Variants in SIAE observed in about 807,000 individuals in gnomAD.
SIAE encodes sialate O-acetylesterase.
SIAE carries 39 observed loss-of-function variants against 52.6 expected under a neutral mutation model. That is an observed-to-expected ratio of 0.74 (90% CI 0.57 to 0.97). SIAE has a LOEUF of 0.97. Ranked by LOEUF, SIAE falls within the 50% of genes least tolerant of loss-of-function variation. SIAE has a pLI of 0.00. For synonymous variants in SIAE, 233 were observed against 241.4 expected (o/e 0.97, Z 0.32); for missense variants, 592 against 662.1 (o/e 0.89, Z 1.16).
intron 3 of SIAE, chr11:124,658,970 T>C (rs762299558): frequency 1.3e-5 from 2 of 152,222 alleles, no homozygotes; most frequent in African/African-American, 2.4e-5. Flanking sequence ...TAAAATGTTA[T>C]CTTGCAAACT....
Position 124,635,113 on chromosome 11 carries a change from A to G in SIAE, c.*1838T>C, listed in dbSNP as rs1008365681. On this transcript the variant is annotated 3_prime_UTR_variant, in exon 10 of 10. Transcript: ENST00000263593. ...CTGGAGGTGAAAGGAATCTGGACTT[A>G]GAGTTCTTGGCTACCTCTGGCTGCC... 7 of 152,196 alleles carry G rather than the reference A, an allele frequency of 4.6e-5. No homozygotes were observed. The East Asian group carries it at 1.3e-3, about 29-fold the overall frequency. The allele number at this position is 152,196 out of a possible 1,614,324, so 9.4% of individuals were successfully genotyped here.
intron 3 of SIAE, among the ~76,000 whole-genome samples, chr11:124,658,598 CT>C (rs1323349651): frequency 6.6e-6 from 1 of 152,192 alleles, no homozygotes; most frequent in Non-Finnish European, 1.5e-5. Context: ...CATTTAGACT[CT>C]TCTCCATTTA....
In SIAE at chr11:124,633,268, G is replaced by GT. The variant is rs1293245353; in HGVS notation, c.*3682dup. On this transcript the variant is annotated 3_prime_UTR_variant, in exon 10 of 10. Transcript: ENST00000263593. ...TTAGTCCTGTCTTTTCATTAGCCATGTAATAATATAACTCCATGTTCCATG... is the reference window on the plus strand; with the variant it reads ...TTAGTCCTGTCTTTTCATTAGCCATGTTAATAATATAACTCCATGTTCCATG... The GT allele has an allele frequency of 1.3e-5, 2 of 152,206 alleles. No individual in the cohort carries two copies. Among genetic ancestry groups the GT allele is most frequent in the African/African-American group, 2.4e-5 (1 of 41,448 alleles). 9.4% of individuals were successfully genotyped at this position (152,206 alleles called of 1,614,324 possible). A position where few individuals can be genotyped will look rare whatever the true frequency, so the allele number is the denominator to read the frequency against.
chr11:124,647,513 A>C lies in SIAE; in HGVS notation c.833-15T>G. The C allele has an allele frequency of 1.9e-6, 3 of 1,614,002 alleles. No individual in the cohort carries two copies. The highest frequency in any genetic ancestry group is 2.5e-6 in the Non-Finnish European group (3 of 1,179,988). On this transcript the variant is annotated splice_polypyrimidine_tract_variant and intron_variant, in intron 6 of 9. Coordinates refer to ENST00000263593, the MANE Select transcript of SIAE (RefSeq NM_170601.5). ...ATTGGACTCCCCTAAAAACAGTCCA[A>C]ATTGTAAAGGGAGTTTGGAGTAGAC...
At position 124,636,566 on chromosome 11, in the gene SIAE, A is replaced by G. The variant is rs1218067202; in HGVS notation, c.*385T>C. 8 of 302,604 alleles carry G rather than the reference A, an allele frequency of 2.6e-5. No individual in the cohort carries two copies. Among genetic ancestry groups the G allele is most frequent in the Non-Finnish European group, 5.1e-5 (8 of 156,760 alleles). 18.7% of individuals were successfully genotyped at this position (302,604 alleles called of 1,614,324 possible). A position where few individuals can be genotyped will look rare whatever the true frequency, so the allele number is the denominator to read the frequency against. ...ATGGGAGAAATTTTATAAAGAACAC[A>G]TGAACACTAGCTGGCCTATGTGGCC... On this transcript the variant is annotated 3_prime_UTR_variant, in exon 10 of 10. Transcript: ENST00000263593.
At position 124,635,536 on chromosome 11, in the gene SIAE, CAT is replaced by C. The variant is rs1942711211; in HGVS notation, c.*1413_*1414del. 6.6e-6 allele frequency: 1 copy of C among 152,038 alleles called. No individual in the cohort carries two copies. The highest frequency in any genetic ancestry group is 1.9e-4 in the East Asian group (1 of 5,180). The allele number at this position is 152,038 out of a possible 1,614,324, so 9.4% of individuals were successfully genotyped here. A position where few individuals can be genotyped will look rare whatever the true frequency, so the allele number is the denominator to read the frequency against. On this transcript the variant is annotated 3_prime_UTR_variant, in exon 10 of 10. Transcript: ENST00000263593. ...TAAAAAGTTCCTAAATTGGGGGAAA[CAT>C]AGTGAATTCCACATAATGTTTTAAA...
At chr11:124,654,616 C>T (rs762480773) in intron 4 of SIAE, 39 bp downstream of exon 4, 44 of 1,613,690 alleles carry the variant, frequency 2.7e-5, no homozygotes, top group Non-Finnish European at 3.7e-5. Context: ...GGGCGCTAAC[C>T]CATTATATAA....
chr11:124,639,196 T>C (rs1942802939), intron 8 of SIAE, among the ~76,000 whole-genome samples: 2 of 152,232 alleles, frequency 1.3e-5, no homozygotes, highest in African/African-American at 4.8e-5. Context: ...CTGTTTCCTA[T>C]GTGGAATCCC....
At chr11:124,673,788 G>T, upstream of SIAE, 1 of 1,512,912 alleles carries the variant, frequency 6.6e-7, no homozygotes, top group South Asian at 1.2e-5. Context: ...GGGCGAGGCC[G>T]ACTCCACCCT....
chr11:124,639,209 C>G (rs963094070), intron 8 of SIAE, among the ~76,000 whole-genome samples: 2 of 152,200 alleles, frequency 1.3e-5, no homozygotes, highest in African/African-American at 2.4e-5. Context: ...GGAATCCCCT[C>G]ACATCCTACA....
intron 7 of SIAE, among the ~76,000 whole-genome samples, chr11:124,641,399 T>G (rs1166833624): frequency 6.6e-6 from 1 of 152,202 alleles, no homozygotes; most frequent in Non-Finnish European, 1.5e-5. Context: ...CCAGGTGGAC[T>G]GGAGGATTTG....
At chr11:124,675,328 G>C, upstream of SIAE, 2 of 1,614,186 alleles carry the variant, frequency 1.2e-6, no homozygotes, top group Non-Finnish European at 1.7e-6. Flanking sequence ...TCTTCTTGAA[G>C]GGCTGACACG....
chr11:124,640,463 C>T (rs1942826633), intron 7 of SIAE, among the ~76,000 whole-genome samples: 1 of 152,136 alleles, frequency 6.6e-6, no homozygotes, highest in Non-Finnish European at 1.5e-5. Context: ...CCTACCTGGC[C>T]AACCCAATGA....
rs1190163545 is a variant in SIAE at position 124,634,462 on chromosome 11, A to G, written c.*2489T>C. 1 of 152,182 alleles carries G rather than the reference A, an allele frequency of 6.6e-6. No individual in the cohort carries two copies. The highest frequency in any genetic ancestry group is 3.2e-3 in the Middle Eastern group (1 of 316). 9.4% of individuals were successfully genotyped at this position (152,182 alleles called of 1,614,324 possible). The stretch of plus-strand genomic sequence containing the variant: ...CCAGTGTCAATGAGGGTGAGGGCAA[A>G]AAAAGGACTACCTTGGTGAGAATGT... On this transcript the variant is annotated 3_prime_UTR_variant, in exon 10 of 10. Coordinates refer to ENST00000263593, the MANE Select transcript of SIAE (RefSeq NM_170601.5).
chr11:124,641,598 A>G (rs1197191567), intron 7 of SIAE, among the ~76,000 whole-genome samples: 1 of 152,220 alleles, frequency 6.6e-6, no homozygotes, highest in Non-Finnish European at 1.5e-5. Context: ...AGCCACTGAA[A>G]TTACTGACAT....
intron 4 of SIAE, 42 bp from the exon 5 acceptor site, chr11:124,649,838 T>C (rs750457543): frequency 8.7e-6 from 14 of 1,607,720 alleles, no homozygotes; most frequent in Middle Eastern, 1.6e-4. Context: ...CAGAGAAAGG[T>C]TGATGGATAC....
Position 124,656,701 on chromosome 11 carries a change from G to GT in SIAE, c.406-1909dup, listed in dbSNP as rs1038969326. Among the ~76,000 whole-genome samples the GT allele has an allele frequency of 1.2e-3, 185 of 151,234 alleles. 2 individuals are homozygous for GT. Among genetic ancestry groups the GT allele is most frequent in the African/African-American group, 4.2e-3 (173 of 41,248 alleles). ...AATATATCAGAAATATTTTGTTTTT[G>GT]TTTTTTTTTATTTGTGTATTTCTTC... On this transcript the variant is annotated intron_variant, in intron 3 of 9. Transcript: ENST00000263593.
At chr11:124,663,561 G>A (rs539770685) in intron 2 of SIAE, among the ~76,000 whole-genome samples, 12 of 152,330 alleles carry the variant, frequency 7.9e-5, no homozygotes, top group African/African-American at 2.6e-4. Flanking sequence ...GCGACAGAGC[G>A]AGACTTTGTC....
upstream of SIAE, chr11:124,674,871 TC>T (rs1943439116): frequency 6.5e-6 from 1 of 153,128 alleles, no homozygotes; most frequent in African/African-American, 2.5e-5. Context: ...GAAGGTCTTC[TC>T]AGCAATTGAC....
Sources: gnomAD v4.1 joint callset for allele counts (sites outside exome capture counted in the v4.1 genomes callset) on GRCh38, gnomAD v4.1.1 for gene constraint, MANE v1.5 for transcripts, NCBI Gene and HGNC (gene_info 2026-07-23, HGNC 2026-07-21) for gene names.